SLC35D3: variants seen among roughly 807,000 people sequenced by gnomAD.
SLC35D3 encodes solute carrier family 35 member D3.
A neutral mutation model predicts 20.3 loss-of-function variants in SLC35D3; 18 were observed. That is an observed-to-expected ratio of 0.89 (90% CI 0.61 to 1.32). SLC35D3 has a LOEUF of 1.32. Among genes scored for constraint, SLC35D3 ranks in the 40% most tolerant of loss-of-function variants. The pLI, the probability that SLC35D3 is intolerant of heterozygous loss-of-function variation, is 0.00. For synonymous variants in SLC35D3, 313 were observed against 263.5 expected (o/e 1.19, Z -1.82); for missense variants, 556 against 565.5 (o/e 0.98, Z 0.17).
Position 136,924,280 on chromosome 6 carries a change from C to A in SLC35D3, c.835C>A (p.Pro279Thr), listed in dbSNP as rs757733160. The change falls in exon 2 of 2, where the codon CCC becomes ACC. Residue 279 changes from proline (P) to threonine (T), a missense_variant. Transcript: ENST00000331858. ...CATGGTGGCCTTCAGCGACGTGGAG[C>A]CCACCTCTCTGTTCATTGCCGGCGT... ...VGMVAFSDVE[P>T]TSLFIAGVVV... The A allele has an allele frequency of 1.2e-6, 2 of 1,614,152 alleles. No homozygotes were observed. The highest frequency in any genetic ancestry group is 1.7e-6 in the Non-Finnish European group (2 of 1,180,048).
chr6:136,924,919 A>G lies in SLC35D3; in HGVS notation c.*223A>G, dbSNP rs578174006. 1.1e-5 allele frequency: 5 copies of G among 472,726 alleles called. No homozygotes were observed. The highest frequency in any genetic ancestry group is 3.5e-5 in the East Asian group (1 of 28,922). 29.3% of individuals were successfully genotyped at this position (472,726 alleles called of 1,614,324 possible). Reference sequence around the variant, plus strand: ...CACAGAGACAAAAGAATGTGAAGCTACTTAACAAAGTAAGGCAACGTTTCT... The same window carrying G: ...CACAGAGACAAAAGAATGTGAAGCTGCTTAACAAAGTAAGGCAACGTTTCT... On this transcript the variant is annotated 3_prime_UTR_variant, in exon 2 of 2. Transcript: ENST00000331858.
At position 136,925,135 on chromosome 6, in the gene SLC35D3, G is replaced by A. The variant is rs899293706; in HGVS notation, c.*439G>A. 1.9e-5 allele frequency: 3 copies of A among 159,272 alleles called. No individual in the cohort carries two copies. Among genetic ancestry groups the A allele is most frequent in the African/African-American group, 7.2e-5 (3 of 41,460 alleles). 9.9% of individuals were successfully genotyped at this position (159,272 alleles called of 1,614,324 possible). A position where few individuals can be genotyped will look rare whatever the true frequency, so the allele number is the denominator to read the frequency against. On this transcript the variant is annotated 3_prime_UTR_variant, in exon 2 of 2. Coordinates refer to ENST00000331858, the MANE Select transcript of SLC35D3 (RefSeq NM_001008783.3). ...AACTACAGTTTTTATCGCCAGCTGGGCAAAGAGTATATTGCTGAAATGATA... is the reference window on the plus strand; with the variant it reads ...AACTACAGTTTTTATCGCCAGCTGGACAAAGAGTATATTGCTGAAATGATA...
chr6:136,923,531 G>T lies in SLC35D3; in HGVS notation c.440-354G>T, dbSNP rs1455426531. 6.6e-6 allele frequency among the ~76,000 whole-genome samples: 1 copy of T among 152,242 alleles called. No individual in the cohort carries two copies. The highest frequency in any genetic ancestry group is 2.4e-5 in the African/African-American group (1 of 41,464). On this transcript the variant is annotated intron_variant, in intron 1 of 1. Coordinates refer to ENST00000331858, the MANE Select transcript of SLC35D3 (RefSeq NM_001008783.3). The surrounding 1 kb of genome is among the most constrained non-coding windows in gnomAD (Gnocchi z 6.2). ...CCCCACGGGGCAGGGGCTCCGGGGT[G>T]CAGGTACCACGCGCCCAAGTGACCT...
chr6:136,922,886 C>A lies in SLC35D3; in HGVS notation c.439+19C>A. The A allele has an allele frequency of 2.0e-6, 3 of 1,508,694 alleles. No homozygotes were observed. Among genetic ancestry groups the A allele is most frequent in the Non-Finnish European group, 2.6e-6 (3 of 1,135,080 alleles). The allele number at this position is 1,508,694 out of a possible 1,614,324, so 93.5% of individuals were successfully genotyped here. ...CTGGCAGGTGAGCGGGCCCCCGCGC[C>A]GACCCCCAGCCGACCCCACCCACCC... On this transcript the variant is annotated intron_variant, in intron 1 of 1. Coordinates refer to ENST00000331858, the MANE Select transcript of SLC35D3 (RefSeq NM_001008783.3). This position sits in a 1 kb window ranked among gnomAD's most constrained non-coding sequence, Gnocchi z 6.8.
At position 136,924,771 on chromosome 6, in the gene SLC35D3, C is replaced by A. The variant is rs971374447; in HGVS notation, c.*75C>A. ...AGAAATGACGTGTTTTAATGAGAGG[C>A]CTCCCCGTTTTATTCTTTGAGGAGT... On this transcript the variant is annotated 3_prime_UTR_variant, in exon 2 of 2. Transcript: ENST00000331858. 8.8e-6 allele frequency: 12 copies of A among 1,366,098 alleles called. No homozygotes were observed. The highest frequency in any genetic ancestry group is 1.1e-5 in the Non-Finnish European group (11 of 1,020,084). The allele number at this position is 1,366,098 out of a possible 1,614,324, so 84.6% of individuals were successfully genotyped here.
chr6:136,924,201 C>G lies in SLC35D3; in HGVS notation c.756C>G (p.Ala252=), dbSNP rs1421480326. 8.7e-6 allele frequency: 14 copies of G among 1,613,784 alleles called. No homozygotes were observed. Among genetic ancestry groups the G allele is most frequent in the African/African-American group, 6.7e-5 (5 of 75,068 alleles). ...TGCACTGCACCTACATCAATTCGGCCGTGACCACCAGCTTCGTGGGTGTGG... is the reference window on the plus strand; with the variant it reads ...TGCACTGCACCTACATCAATTCGGCGGTGACCACCAGCTTCGTGGGTGTGG... ...TTLHCTYINS[A]VTTSFVGVVK... Residue 252 remains alanine (A), a synonymous_variant, in exon 2 of 2, where the codon GCC becomes GCG. Coordinates refer to ENST00000331858, the MANE Select transcript of SLC35D3 (RefSeq NM_001008783.3).
chr6:136,922,472 C>T lies in SLC35D3; in HGVS notation c.44C>T (p.Ala15Val), dbSNP rs1582789966. 2 of 1,604,208 alleles carry T rather than the reference C, an allele frequency of 1.2e-6. No homozygotes were observed. Among genetic ancestry groups the T allele is most frequent in the Non-Finnish European group, 1.7e-6 (2 of 1,176,664 alleles). ...GGCCGCGTGCTGGGCATCTCGGTGGCCATCGCGCACGGGGTCTTCTCGGGC... is the reference window on the plus strand; with the variant it reads ...GGCCGCGTGCTGGGCATCTCGGTGGTCATCGCGCACGGGGTCTTCTCGGGC... The part of the protein sequence containing the change: ...CRGRVLGISV[A>V]IAHGVFSGSL... Residue 15 changes from alanine to valine, a missense_variant, in exon 1 of 2, where the codon GCC (alanine) becomes GTC (valine). Transcript: ENST00000331858. The surrounding 1 kb of genome is among the most constrained non-coding windows in gnomAD (Gnocchi z 6.8).
Position 136,924,468 on chromosome 6 carries a change from A to T in SLC35D3, c.1023A>T (p.Gly341=). The change falls in exon 2 of 2, where the codon GGA becomes GGT. Residue 341 remains glycine (G), a synonymous_variant. Transcript: ENST00000331858. ...TGATGGAGGAGCTGCCCGGGGAGGG[A>T]GGAAATGGCCGGTCAGAAGGTGGGG... is the stretch of plus-strand genomic sequence containing the variant. ...PFVMEELPGE[G]GNGRSEGGEA... 6.2e-7 allele frequency: 1 copy of T among 1,613,628 alleles called. No individual in the cohort carries two copies. The highest frequency in any genetic ancestry group is 1.1e-5 in the South Asian group (1 of 91,048).
In SLC35D3 at chr6:136,924,400, C is replaced by A; in HGVS notation, c.955C>A (p.Arg319=). ...CTACGAGGACCTGGAGGCCCAGCCT[C>A]GGGGAGAGGAGGCGCAGCTAAGTGG... The part of the protein sequence containing the change: ...SNYEDLEAQP[R]GEEAQLSGDQ... Residue 319 remains arginine, a synonymous_variant, in exon 2 of 2, where the codon CGG becomes AGG. Coordinates refer to ENST00000331858, the MANE Select transcript of SLC35D3 (RefSeq NM_001008783.3). 3.1e-6 allele frequency: 5 copies of A among 1,613,990 alleles called. No homozygotes were observed. Among genetic ancestry groups the A allele is most frequent in the Non-Finnish European group, 4.2e-6 (5 of 1,179,990 alleles).
chr6:136,924,024 C>G lies in SLC35D3; in HGVS notation c.579C>G (p.Ile193Met). 1 of 1,603,206 alleles carries G rather than the reference C, an allele frequency of 6.2e-7. No individual in the cohort carries two copies. Among genetic ancestry groups the G allele is most frequent in the Non-Finnish European group, 8.5e-7 (1 of 1,177,598 alleles). The change falls in exon 2 of 2, where the codon ATC becomes ATG. Residue 193 changes from isoleucine (I) to methionine (M), a missense_variant. Transcript: ENST00000331858. ...GGCCGCTCACCGCGCAGTACGTCAT[C>G]GCCGTCTCTGCCACCCCGCTGCTGG... ...EHGPLTAQYV[I>M]AVSATPLLVI...
Position 136,924,270 on chromosome 6 carries a change from C to A in SLC35D3, c.825C>A (p.Ser275Arg). 7 of 1,614,096 alleles carry A rather than the reference C, an allele frequency of 4.3e-6. No homozygotes were observed. Among genetic ancestry groups the A allele is most frequent in the Non-Finnish European group, 5.9e-6 (7 of 1,180,038 alleles). The change falls in exon 2 of 2, where the codon AGC becomes AGA. Residue 275 changes from serine to arginine, a missense_variant. Ser to Arg is a moderately radical substitution (Grantham distance 110, BLOSUM62 -1). Transcript: ENST00000331858. ...ATITVGMVAF[S>R]DVEPTSLFIA... ...TCACGGTGGGCATGGTGGCCTTCAGCGACGTGGAGCCCACCTCTCTGTTCA... is the reference window on the plus strand; with the variant it reads ...TCACGGTGGGCATGGTGGCCTTCAGAGACGTGGAGCCCACCTCTCTGTTCA...
chr6:136,923,878 G>T lies in SLC35D3; in HGVS notation c.440-7G>T, dbSNP rs1256970098. ...CCGGGCTCGGCCGTCCTCCTCGTGC[G>T]CCGCAGGAGCCGGCGACCTGACGGG... On this transcript the variant is annotated splice_region_variant and splice_polypyrimidine_tract_variant and intron_variant, in intron 1 of 1. Coordinates refer to ENST00000331858, the MANE Select transcript of SLC35D3 (RefSeq NM_001008783.3). The surrounding 1 kb of genome is among the most constrained non-coding windows in gnomAD (Gnocchi z 6.2). The T allele has an allele frequency of 1.0e-5, 15 of 1,501,624 alleles. No individual in the cohort carries two copies. Among genetic ancestry groups the T allele is most frequent in the Admixed American group, 4.1e-5 (2 of 49,262 alleles). 93.0% of individuals were successfully genotyped at this position (1,501,624 alleles called of 1,614,324 possible).
In SLC35D3 at chr6:136,924,723, T is replaced by C. The variant is rs748770185; in HGVS notation, c.*27T>C. 3.2e-6 allele frequency: 5 copies of C among 1,553,038 alleles called. No individual in the cohort carries two copies. In the East Asian group the frequency reaches 1.1e-4, roughly 35 times the overall value. Reference sequence around the variant, plus strand: ...AAGGAGGTGCATGTACGTACCTATGTGCATACACTTATTTTATATGTTAGA... The same window carrying C: ...AAGGAGGTGCATGTACGTACCTATGCGCATACACTTATTTTATATGTTAGA... On this transcript the variant is annotated 3_prime_UTR_variant, in exon 2 of 2. Transcript: ENST00000331858.
rs572373721 is a variant in SLC35D3 at position 136,924,713 on chromosome 6, C to G, written c.*17C>G. 6.9e-6 allele frequency: 11 copies of G among 1,586,420 alleles called. No individual in the cohort carries two copies. Among genetic ancestry groups the G allele is most frequent in the East Asian group, 4.5e-5 (2 of 44,594 alleles). On this transcript the variant is annotated 3_prime_UTR_variant, in exon 2 of 2. Transcript: ENST00000331858. ...AGTCCTTGAGAAGGAGGTGCATGTA[C>G]GTACCTATGTGCATACACTTATTTT...
rs1486534966 is a variant in SLC35D3, at chr6:136,922,522, C to T, written c.94C>T (p.Leu32Phe). ...CTCCCTCAACATCTTGCTCAAGTTC[C>T]TCATCAGCCGCTACCAGTTCTCCTT... ...SGSLNILLKF[L>F]ISRYQFSFLT... Residue 32 changes from leucine to phenylalanine, a missense_variant, in exon 1 of 2, where the codon CTC becomes TTC. Transcript: ENST00000331858. This position sits in a 1 kb window ranked among gnomAD's most constrained non-coding sequence, Gnocchi z 6.8. 4 of 1,612,216 alleles carry T rather than the reference C, an allele frequency of 2.5e-6. No homozygotes were observed. The highest frequency in any genetic ancestry group is 3.4e-6 in the Non-Finnish European group (4 of 1,179,650).
Position 136,924,605 on chromosome 6 carries a change from A to C in SLC35D3, c.1160A>C (p.Asp387Ala), listed in dbSNP as rs1311293459. The change falls in exon 2 of 2, where the codon GAT becomes GCT. Residue 387 changes from aspartate to alanine, a missense_variant. Physicochemically the swap from Asp to Ala is moderately radical, Grantham distance 126. Coordinates refer to ENST00000331858, the MANE Select transcript of SLC35D3 (RefSeq NM_001008783.3). ...SEEGSRRSLKDAYLEVWRLVR... is the reference protein window; with the variant it reads ...SEEGSRRSLKAAYLEVWRLVR... ...GAAGGGAGCAGGAGGTCGTTAAAAGATGCTTACCTCGAGGTATGGAGGTTG... is the reference window on the plus strand; with the variant it reads ...GAAGGGAGCAGGAGGTCGTTAAAAGCTGCTTACCTCGAGGTATGGAGGTTG... The C allele has an allele frequency of 6.2e-6, 10 of 1,614,060 alleles. No homozygotes were observed. Among genetic ancestry groups the C allele is most frequent in the Non-Finnish European group, 8.5e-6 (10 of 1,180,024 alleles).
rs750395298 is a variant in SLC35D3 at position 136,924,089 on chromosome 6, G to T, written c.644G>T (p.Trp215Leu). The T allele has an allele frequency of 6.2e-7, 1 of 1,612,258 alleles. No homozygotes were observed. Among genetic ancestry groups the T allele is most frequent in the Non-Finnish European group, 8.5e-7 (1 of 1,179,786 alleles). The change falls in exon 2 of 2, where the codon TGG becomes TTG. Residue 215 changes from tryptophan to leucine, a missense_variant. By Grantham distance (61) the Trp-to-Leu change is moderately conservative (BLOSUM62 -2). Coordinates refer to ENST00000331858, the MANE Select transcript of SLC35D3 (RefSeq NM_001008783.3). ...GCCAGCACCGACTCCATCCACGCCT[G>T]GACCTTCCCGGGCTGGAAGGACCCG... ...SFASTDSIHA[W>L]TFPGWKDPAM...
Position 136,923,695 on chromosome 6 carries a change from A to G in SLC35D3, c.440-190A>G, listed in dbSNP as rs925540651. 1.3e-5 allele frequency among the ~76,000 whole-genome samples: 2 copies of G among 152,162 alleles called. No individual in the cohort carries two copies. Among genetic ancestry groups the G allele is most frequent in the Non-Finnish European group, 2.9e-5 (2 of 68,010 alleles). On this transcript the variant is annotated intron_variant, in intron 1 of 1. Coordinates refer to ENST00000331858, the MANE Select transcript of SLC35D3 (RefSeq NM_001008783.3). This position sits in a 1 kb window ranked among gnomAD's most constrained non-coding sequence, Gnocchi z 6.2. ...TCTGAGCACTGAGTTTGGCTGTCGC[A>G]TTTGACACGGGTGGCCGAGGGACGG...
Position 136,924,622 on chromosome 6 carries a change from TG to T in SLC35D3, c.1179del (p.Trp393Ter). ...GTTAAAAGATGCTTACCTCGAGGTATGGAGGTTGGTTAGGGGAACCAGGTAT... is the reference window on the plus strand; with the variant it reads ...GTTAAAAGATGCTTACCTCGAGGTATGAGGTTGGTTAGGGGAACCAGGTAT... ...RSLKDAYLEV[W>X]RLVRGTRYMK... On this transcript the variant is annotated frameshift_variant, in exon 2 of 2. Coordinates refer to ENST00000331858, the MANE Select transcript of SLC35D3 (RefSeq NM_001008783.3). LOFTEE classifies it high-confidence loss of function. 1.2e-6 allele frequency: 2 copies of T among 1,613,990 alleles called. No individual in the cohort carries two copies. Among genetic ancestry groups the T allele is most frequent in the Non-Finnish European group, 1.7e-6 (2 of 1,179,988 alleles).
Sources: gnomAD v4.1 joint callset for allele counts (sites outside exome capture counted in the v4.1 genomes callset) on GRCh38, gnomAD v4.1.1 for gene constraint, Gnocchi (gnomAD v3.1) non-coding constraint, MANE v1.5 for transcripts, NCBI Gene and HGNC (gene_info 2026-07-23, HGNC 2026-07-21) for gene names.